Variants in NCKAP1 observed in about 807,000 individuals in gnomAD.
NCKAP1 encodes the protein nck-associated protein 1.
In NCKAP1, 21 loss-of-function variants were observed where a neutral mutation model predicts 151.2. The ratio of observed to expected loss-of-function variants is 0.14; its 90% CI spans 0.10 to 0.20. The LOEUF (loss-of-function observed/expected upper bound fraction) is 0.20. Ranked by LOEUF, NCKAP1 falls within the 10% of genes least tolerant of loss-of-function variation. NCKAP1 has a pLI of 1.00. For synonymous variants in NCKAP1, 484 were observed against 451.8 expected (o/e 1.07, Z -0.90); for missense variants, 933 against 1,352.1 (o/e 0.69, Z 4.86).
chr2:182,943,523 A>G (rs188813051), intron 23 of NCKAP1, among the ~76,000 whole-genome samples: 135 of 152,244 alleles, frequency 8.9e-4, no homozygotes, highest in African/African-American at 3.0e-3. Flanking sequence ...TGGATTCAAT[A>G]CACACTCAAA....
At chr2:182,997,291 G>A (rs1318884591) in intron 6 of NCKAP1, among the ~76,000 whole-genome samples, 1 of 152,078 alleles carries the variant, frequency 6.6e-6, no homozygotes, top group Non-Finnish European at 1.5e-5. Flanking sequence ...TTCATTGCAG[G>A]CTTTAGGTTT....
At position 182,924,770 on chromosome 2, in the gene NCKAP1, C is replaced by T. The variant is rs1290246941; in HGVS notation, c.*932G>A. Reference sequence around the variant, plus strand: ...AATCATATAATAGCTGACCTGGTATCGAATGCTGTACTTAGACATTCCTAA... The same window carrying T: ...AATCATATAATAGCTGACCTGGTATTGAATGCTGTACTTAGACATTCCTAA... On this transcript the variant is annotated 3_prime_UTR_variant, in exon 31 of 31. Coordinates refer to ENST00000361354, the MANE Select transcript of NCKAP1 (RefSeq NM_013436.5). 5 of 151,902 alleles carry T rather than the reference C, an allele frequency of 3.3e-5. No individual in the cohort carries two copies. The highest frequency in any genetic ancestry group is 7.4e-5 in the Non-Finnish European group (5 of 67,950). 9.4% of individuals were successfully genotyped at this position (151,902 alleles called of 1,614,324 possible). A position where few individuals can be genotyped will look rare whatever the true frequency, so the allele number is the denominator to read the frequency against.
At chr2:182,974,523 A>G (rs900731412) in intron 15 of NCKAP1, among the ~76,000 whole-genome samples, 3 of 152,200 alleles carry the variant, frequency 2.0e-5, no homozygotes, top group African/African-American at 7.2e-5. Flanking sequence ...GAAAATTTGA[A>G]CATGAAATAT....
intron 18 of NCKAP1, among the ~76,000 whole-genome samples, chr2:182,961,237 T>C (rs1697443351): frequency 6.6e-6 from 1 of 152,202 alleles, no homozygotes; most frequent in Non-Finnish European, 1.5e-5. Context: ...ACTGGGTATA[T>C]ACCCAAAGGA....
intron 8 of NCKAP1, among the ~76,000 whole-genome samples, chr2:182,990,305 T>C (rs1698141524): frequency 6.6e-6 from 1 of 152,038 alleles, no homozygotes; most frequent in South Asian, 2.1e-4. Context: ...CCCCAAGAAC[T>C]GGGATTACAG....
At chr2:183,023,784 T>A (rs374946113) in intron 2 of NCKAP1, 22 bp downstream of exon 2, 1 of 1,557,858 alleles carries the variant, frequency 6.4e-7, no homozygotes, top group Non-Finnish European at 8.9e-7. Flanking sequence ...AATTAAGCAA[T>A]AGAAAAATTT....
Position 182,919,372 on chromosome 2 carries a change from T to G in NCKAP1, c.*6330A>C, listed in dbSNP as rs1020183318. ...GCTCCTCAGCTTCAGCTTCAACCTT[T>G]GCAAGATCTAACAGTTAAATGGTTA... On this transcript the variant is annotated 3_prime_UTR_variant, in exon 31 of 31. Transcript: ENST00000361354. 1 of 152,210 alleles carries G rather than the reference T, an allele frequency of 6.6e-6. No homozygotes were observed. The highest frequency in any genetic ancestry group is 2.4e-5 in the African/African-American group (1 of 41,458). The allele number at this position is 152,210 out of a possible 1,614,324, so 9.4% of individuals were successfully genotyped here.
chr2:183,023,965 A>C, intron 1 of NCKAP1, 49 bp from the exon 2 acceptor site: 1 of 1,293,488 alleles, frequency 7.7e-7, no homozygotes, highest in Non-Finnish European at 1.1e-6. Flanking sequence ...CTTCTTCTAA[A>C]ATCAAAAATA....
At position 182,981,282 on chromosome 2, in the gene NCKAP1, A is replaced by G; in HGVS notation, c.1303T>C (p.Ser435Pro). The G allele has an allele frequency of 6.2e-7, 1 of 1,613,890 alleles. No homozygotes were observed. Among genetic ancestry groups the G allele is most frequent in the Non-Finnish European group, 8.5e-7 (1 of 1,179,812 alleles). Residue 435 changes from serine (S) to proline (P), a missense_variant, in exon 13 of 31, where the codon TCT becomes CCT. By Grantham distance (74) the Ser-to-Pro change is moderately conservative (BLOSUM62 -1). Around this residue, in one of 2 missense-constraint regions of NCKAP1, gnomAD observed 607 missense variants for 795.0 expected, o/e 0.76. Transcript: ENST00000361354. ...TTGAGGACAACAGCATCAAAGCCAG[A>G]AAGGTACTGCACGTAATACCTCTGC... is the stretch of plus-strand genomic sequence containing the variant. Reference protein sequence around the residue: ...VMQRYYVQYLSGFDAVVLNEL... With the variant: ...VMQRYYVQYLPGFDAVVLNEL...
chr2:182,972,622 T>A (rs1030171789), intron 15 of NCKAP1, among the ~76,000 whole-genome samples: 1 of 152,212 alleles, frequency 6.6e-6, no homozygotes. Flanking sequence ...CCCATGTTTA[T>A]TGCAGCAATA....
At chr2:183,003,156 G>A in intron 3 of NCKAP1, 77 bp downstream of exon 3, 1 of 1,232,540 alleles carries the variant, frequency 8.1e-7, no homozygotes, top group East Asian at 2.6e-5. Context: ...ATTTACAACT[G>A]ACACAGCAAT....
At chr2:182,995,958 A>C in intron 6 of NCKAP1, 120 bp from the exon 7 acceptor site, 1 of 855,306 alleles carries the variant, frequency 1.2e-6, no homozygotes, top group East Asian at 2.7e-5. Context: ...GCCTAATTAT[A>C]CCCATGCTCC....
At position 182,961,726 on chromosome 2, in the gene NCKAP1, T is replaced by C. The variant is rs192269888; in HGVS notation, c.1881+433A>G. ...CACATGTACCCTAAAACTTAAAGTA[T>C]AATAAAAAATAAATAAATAAATAAA... On this transcript the variant is annotated intron_variant, in intron 18 of 30. Transcript: ENST00000361354. Among the ~76,000 whole-genome samples, 26 of 149,892 alleles carry C rather than the reference T, an allele frequency of 1.7e-4. No individual in the cohort carries two copies. The East Asian group carries it at 4.9e-3, about 28-fold the overall frequency.
At position 182,916,318 on chromosome 2, in the gene NCKAP1, G is replaced by A. The variant is rs893882024; in HGVS notation, c.*9384C>T. 1 of 152,054 alleles carries A rather than the reference G, an allele frequency of 6.6e-6. No individual in the cohort carries two copies. The highest frequency in any genetic ancestry group is 2.4e-5 in the African/African-American group (1 of 41,398). 9.4% of individuals were successfully genotyped at this position (152,054 alleles called of 1,614,324 possible). The stretch of plus-strand genomic sequence containing the variant: ...CCACTTGTTCCCAACATGAAGCTAA[G>A]GGCATCTGTACCAATGGAGGTCTGT... On this transcript the variant is annotated 3_prime_UTR_variant, in exon 31 of 31. Transcript: ENST00000361354.
intron 24 of NCKAP1, among the ~76,000 whole-genome samples, chr2:182,938,298 A>T (rs886546542): frequency 1.3e-5 from 2 of 152,244 alleles, no homozygotes; most frequent in Non-Finnish European, 2.9e-5. Flanking sequence ...AAAATGGAAG[A>T]GTAAGATATC....
chr2:182,992,405 C>T (rs1172207264), intron 8 of NCKAP1, among the ~76,000 whole-genome samples: 1 of 152,182 alleles, frequency 6.6e-6, no homozygotes, highest in Non-Finnish European at 1.5e-5. Context: ...GATCGACTTA[C>T]CGGCTCATTA....
intron 13 of NCKAP1, among the ~76,000 whole-genome samples, chr2:182,980,497 T>C (rs1575044703): frequency 1.3e-5 from 2 of 152,176 alleles, no homozygotes; most frequent in Non-Finnish European, 1.5e-5. Context: ...TGTAATTCTA[T>C]AAAGTGAAGC....
At chr2:182,928,971 A>T in intron 27 of NCKAP1, 72 bp from the exon 28 acceptor site, 1 of 958,020 alleles carries the variant, frequency 1.0e-6, no homozygotes, top group Non-Finnish European at 1.6e-6. Context: ...AATCTAAACT[A>T]AACAGATTTT....
chr2:183,006,848 T>G (rs1311023038), intron 2 of NCKAP1, among the ~76,000 whole-genome samples: 1 of 152,050 alleles, frequency 6.6e-6, no homozygotes, highest in East Asian at 1.9e-4. Context: ...TGAGAAAAAA[T>G]TGATTCTATT....
Sources: allele counts gnomAD v4.1 joint callset (sites outside exome capture counted in the v4.1 genomes callset), GRCh38; gene constraint gnomAD v4.1.1; regional missense constraint gnomAD v4.1.1; transcripts MANE v1.5; gene names NCBI Gene and HGNC (gene_info 2026-07-23, HGNC 2026-07-21).